Variants in AGAP1 observed in about 807,000 individuals in gnomAD.
AGAP1 encodes the protein arf-GAP with GTPase, ANK repeat and PH domain-containing protein 1.
AGAP1 carries 29 observed loss-of-function variants against 105.3 expected under a neutral mutation model. The observed-to-expected ratio is 0.28, with a 90% CI of 0.21 to 0.38. The LOEUF is 0.38. AGAP1 is among the 10% of genes least tolerant of loss of function. The pLI is 1.00. For synonymous variants in AGAP1, 509 were observed against 485.9 expected, an observed-to-expected ratio of 1.05 and a Z score of -0.63; for missense variants, 998 against 1,165.1, an observed-to-expected ratio of 0.86 and a Z score of 2.09.
rs189880556 is a variant in AGAP1 at position 236,050,993 on chromosome 2, T to C, written c.2114+1712T>C. 6.6e-6 allele frequency among the ~76,000 whole-genome samples: 1 copy of C among 152,362 alleles called. No individual in the cohort carries two copies. Among genetic ancestry groups the C allele is most frequent in the Non-Finnish European group, 1.5e-5 (1 of 68,042 alleles). On this transcript the variant is annotated intron_variant, in intron 16 of 17. Coordinates refer to ENST00000304032, the MANE Select transcript of AGAP1 (RefSeq NM_001037131.3). The surrounding 1 kb of genome is among the most constrained non-coding windows in gnomAD (Gnocchi z 4.0). ...GCAGAGCCCTGTCTTTTTTCCAGTG[T>C]TACATACATCACATCATTATATTTT... is the stretch of plus-strand genomic sequence containing the variant.
Position 235,723,106 on chromosome 2 carries a change from A to G in AGAP1, c.310+5462A>G, listed in dbSNP as rs1458278410. Among the ~76,000 whole-genome samples, 1 of 152,150 alleles carries G rather than the reference A, an allele frequency of 6.6e-6. No homozygotes were observed. The highest frequency in any genetic ancestry group is 1.5e-5 in the Non-Finnish European group (1 of 68,028). On this transcript the variant is annotated intron_variant, in intron 3 of 17. Coordinates refer to ENST00000304032, the MANE Select transcript of AGAP1 (RefSeq NM_001037131.3). The surrounding 1 kb of genome is among the most constrained non-coding windows in gnomAD (Gnocchi z 6.2). ...TTTGCAAGCTCTGCTGGTGTTCTAG[A>G]ACCTCACAAGGACTCATCGGCTGGC...
Position 235,664,251 on chromosome 2 carries a change from G to A in AGAP1, c.164-44928G>A, listed in dbSNP as rs1229616197. On this transcript the variant is annotated intron_variant, in intron 1 of 17. Coordinates refer to ENST00000304032, the MANE Select transcript of AGAP1 (RefSeq NM_001037131.3). This position sits in a 1 kb window ranked among gnomAD's most constrained non-coding sequence, Gnocchi z 5.7. ...TTCGAGACGGAGTTTCACTATTGTTGCCCAGGCTAGAGTGCAGTGGCATGA... is the reference window on the plus strand; with the variant it reads ...TTCGAGACGGAGTTTCACTATTGTTACCCAGGCTAGAGTGCAGTGGCATGA... Among the ~76,000 whole-genome samples, 1 of 150,878 alleles carries A rather than the reference G, an allele frequency of 6.6e-6. No homozygotes were observed. Among genetic ancestry groups the A allele is most frequent in the Non-Finnish European group, 1.5e-5 (1 of 67,806 alleles).
Position 235,633,843 on chromosome 2 carries a change from T to C in AGAP1, c.164-75336T>C, listed in dbSNP as rs1946906976. 1.3e-5 allele frequency among the ~76,000 whole-genome samples: 2 copies of C among 152,156 alleles called. No individual in the cohort carries two copies. The highest frequency in any genetic ancestry group is 4.8e-5 in the African/African-American group (2 of 41,442). On this transcript the variant is annotated intron_variant, in intron 1 of 17. Transcript: ENST00000304032. The surrounding 1 kb of genome is among the most constrained non-coding windows in gnomAD (Gnocchi z 4.8). ...GGGTTTTGGTTTCTATGACCTGTCT[T>C]AGGGATGAAGAATTCTAGTTCCTGT...
intron 13 of AGAP1, among the ~76,000 whole-genome samples, chr2:235,972,572 A>G (rs751556161): frequency 9.9e-5 from 15 of 152,202 alleles, no homozygotes; most frequent in Non-Finnish European, 1.8e-4. Context: ...CCTTCAAGAA[A>G]GAGACCTGTC....
In AGAP1 at chr2:235,930,958, A is replaced by G. The variant is rs779082405; in HGVS notation, c.1483+35A>G. The stretch of plus-strand genomic sequence containing the variant: ...GGCTCAGCCCCACGGACCCGCAGCC[A>G]CCTCAAGGTCCTTCGTTGTAAGCCA... On this transcript the variant is annotated intron_variant, in intron 12 of 17. Coordinates refer to ENST00000304032, the MANE Select transcript of AGAP1 (RefSeq NM_001037131.3). The surrounding 1 kb of genome is among the most constrained non-coding windows in gnomAD (Gnocchi z 7.9). 1 of 1,604,414 alleles carries G rather than the reference A, an allele frequency of 6.2e-7. No individual in the cohort carries two copies. The highest frequency in any genetic ancestry group is 1.1e-5 in the South Asian group (1 of 89,932).
At chr2:235,674,664 G>C (rs953680148) in intron 1 of AGAP1, among the ~76,000 whole-genome samples, 2 of 148,678 alleles carry the variant, frequency 1.3e-5, no homozygotes, top group Non-Finnish European at 3.0e-5. Flanking sequence ...CCCTTGATTT[G>C]TATCAGTCAA....
chr2:235,715,333 A>G (rs1225649164), intron 2 of AGAP1, among the ~76,000 whole-genome samples: 8 of 152,168 alleles, frequency 5.3e-5, no homozygotes, highest in Admixed American at 5.2e-4. Context: ...AGAGACAGAG[A>G]TCTTGGCCCT....
intron 1 of AGAP1, among the ~76,000 whole-genome samples, chr2:235,528,489 A>C (rs899317382): frequency 2.6e-5 from 4 of 152,258 alleles, no homozygotes; most frequent in Admixed American, 6.5e-5. Context: ...ACAGAAATGC[A>C]GGGAAAAGTC....
chr2:235,755,697 T>G (rs1953869990), intron 6 of AGAP1, among the ~76,000 whole-genome samples: 1 of 152,226 alleles, frequency 6.6e-6, no homozygotes, highest in African/African-American at 2.4e-5. Flanking sequence ...GGCCTCGGCC[T>G]TCCAAAGTGC....
Position 235,585,292 on chromosome 2 carries a change from A to G in AGAP1, c.163+90443A>G, listed in dbSNP as rs893583833. ...GATTTCCTTGCTTTTTCCAGCCTCA[A>G]TGGCTGCTGCATTCCTGGCCTTAGC... is the stretch of plus-strand genomic sequence containing the variant. On this transcript the variant is annotated intron_variant, in intron 1 of 17. Transcript: ENST00000304032. 3.3e-5 allele frequency among the ~76,000 whole-genome samples: 5 copies of G among 152,160 alleles called. No individual in the cohort carries two copies. The South Asian group carries it at 8.3e-4, about 25-fold the overall frequency.
At chr2:235,630,476 G>T (rs1356964136) in intron 1 of AGAP1, among the ~76,000 whole-genome samples, 1 of 152,160 alleles carries the variant, frequency 6.6e-6, no homozygotes, top group Non-Finnish European at 1.5e-5. Context: ...CTCCCAAAGT[G>T]CTGGGATTAC....
chr2:235,589,189 G>GTTTTTTTTTTTTTTTTTTTTTT (rs1205771315), intron 1 of AGAP1, among the ~76,000 whole-genome samples: 1 of 54,924 alleles, frequency 1.8e-5, no homozygotes, highest in Non-Finnish European at 4.3e-5. Context: ...ATAGCTTATT[G>GTTTTTTTTTTTTTTTTTTTTTT]TTTTGTTTTT....
At position 236,043,206 on chromosome 2, in the gene AGAP1, A is replaced by G. The variant is rs1440652735; in HGVS notation, c.1891+2365A>G. On this transcript the variant is annotated intron_variant, in intron 15 of 17. Transcript: ENST00000304032. ...GTAAACACCTCCATGGGGCCTTTCG[A>G]CAATGTATATAAAAAGCTTTTGAAG... is the stretch of plus-strand genomic sequence containing the variant. 3.3e-5 allele frequency among the ~76,000 whole-genome samples: 5 copies of G among 152,344 alleles called. No homozygotes were observed. In the East Asian group the frequency reaches 9.7e-4, roughly 29 times the overall value.
rs2057104702 is a variant in AGAP1, at chr2:236,027,849, T to C, written c.1646-8712T>C. Among the ~76,000 whole-genome samples, 1 of 152,136 alleles carries C rather than the reference T, an allele frequency of 6.6e-6. No individual in the cohort carries two copies. Among genetic ancestry groups the C allele is most frequent in the Non-Finnish European group, 1.5e-5 (1 of 68,020 alleles). On this transcript the variant is annotated intron_variant, in intron 13 of 17. Coordinates refer to ENST00000304032, the MANE Select transcript of AGAP1 (RefSeq NM_001037131.3). The surrounding 1 kb of genome is among the most constrained non-coding windows in gnomAD (Gnocchi z 4.4). ...GACCTGCCCTGTGATCACAGGGCCT[T>C]TGTGCATGCTACATACACGTCAGAG... is the stretch of plus-strand genomic sequence containing the variant.
At chr2:235,681,288 C>T (rs554573514) in intron 1 of AGAP1, among the ~76,000 whole-genome samples, 20 of 152,218 alleles carry the variant, frequency 1.3e-4, no homozygotes, top group East Asian at 1.9e-4. Context: ...GGATTACAGG[C>T]GTGAGCCACC....
intron 12 of AGAP1, among the ~76,000 whole-genome samples, chr2:235,938,448 G>T (rs558697597): frequency 6.6e-6 from 1 of 152,220 alleles, no homozygotes; most frequent in African/African-American, 2.4e-5. Flanking sequence ...GCCATCAGAT[G>T]TGTGGATGCC....
rs1273470822 is a variant in AGAP1, at chr2:236,051,382, C to T, written c.2114+2101C>T. Among the ~76,000 whole-genome samples, 1 of 152,210 alleles carries T rather than the reference C, an allele frequency of 6.6e-6. No homozygotes were observed. Among genetic ancestry groups the T allele is most frequent in the Non-Finnish European group, 1.5e-5 (1 of 68,044 alleles). On this transcript the variant is annotated intron_variant, in intron 16 of 17. Transcript: ENST00000304032. This position sits in a 1 kb window ranked among gnomAD's most constrained non-coding sequence, Gnocchi z 5.9. ...TGGTGATTGGTGAAGGCTCTCAGGG[C>T]TGCCTGAGGATGCCAGGGCTCGGGA...
At chr2:236,085,417 A>C (rs1213260882) in intron 16 of AGAP1, among the ~76,000 whole-genome samples, 4 of 151,958 alleles carry the variant, frequency 2.6e-5, no homozygotes, top group African/African-American at 9.7e-5. Flanking sequence ...AGCACTCTCT[A>C]AGGCTAGTTT....
rs1438964981 is a variant in AGAP1, at chr2:235,614,315, C to A, written c.164-94864C>A. Among the ~76,000 whole-genome samples the A allele has an allele frequency of 6.6e-6, 1 of 152,020 alleles. No individual in the cohort carries two copies. The highest frequency in any genetic ancestry group is 1.5e-5 in the Non-Finnish European group (1 of 68,024). The stretch of plus-strand genomic sequence containing the variant: ...GGAGCGTGTATAACAAAAGTGGGAT[C>A]CGGAAAGGGCTGCTGGCGAGTGGGA... On this transcript the variant is annotated intron_variant, in intron 1 of 17. Coordinates refer to ENST00000304032, the MANE Select transcript of AGAP1 (RefSeq NM_001037131.3). This position sits in a 1 kb window ranked among gnomAD's most constrained non-coding sequence, Gnocchi z 4.7.
Sources: gnomAD v4.1 joint callset for allele counts (sites outside exome capture counted in the v4.1 genomes callset) on GRCh38, gnomAD v4.1.1 for gene constraint, Gnocchi (gnomAD v3.1) non-coding constraint, MANE v1.5 for transcripts, NCBI Gene and HGNC (gene_info 2026-07-23, HGNC 2026-07-21) for gene names.